STIM2: variants seen among roughly 807,000 people sequenced by gnomAD.
STIM2 encodes the protein stromal interaction molecule 2.
In STIM2, 31 loss-of-function variants were observed where a neutral mutation model predicts 85.8. The observed-to-expected ratio is 0.36, with a 90% CI of 0.27 to 0.49. STIM2 has a LOEUF of 0.49. Ranked by LOEUF, STIM2 falls within the 20% of genes least tolerant of loss-of-function variation. STIM2 has a pLI of 0.98. For missense variants in STIM2, 841 were observed against 927.6 expected, an observed-to-expected ratio of 0.91 and a Z score of 1.21; for synonymous variants, 356 against 331.1, an observed-to-expected ratio of 1.08 and a Z score of -0.82.
At chr4:26,960,911 A>C (rs1274871922) in intron 3 of STIM2, among the ~76,000 whole-genome samples, 3 of 152,090 alleles carry the variant, frequency 2.0e-5, no homozygotes, top group Non-Finnish European at 4.4e-5. Context: ...TAAAAATACA[A>C]AAATTAACTA....
At chr4:26,923,150 C>A (rs998934697) in intron 2 of STIM2, among the ~76,000 whole-genome samples, 2 of 151,352 alleles carry the variant, frequency 1.3e-5, no homozygotes, top group Non-Finnish European at 2.9e-5. Context: ...TTCCAACAGA[C>A]CTGCAGCTGA....
intron 3 of STIM2, among the ~76,000 whole-genome samples, chr4:26,966,865 A>G (rs892279717): frequency 6.6e-6 from 1 of 152,124 alleles, no homozygotes; most frequent in Non-Finnish European, 1.5e-5. Flanking sequence ...TAAAGCTTAT[A>G]TCTTTCTATC....
At chr4:26,900,954 C>T (rs1420500776) in intron 1 of STIM2, among the ~76,000 whole-genome samples, 2 of 152,174 alleles carry the variant, frequency 1.3e-5, no homozygotes, top group East Asian at 3.9e-4. Flanking sequence ...CTTTTCTCCC[C>T]ACACCCTTCA....
rs1322738764 is a variant in STIM2 at position 26,919,558 on chromosome 4, T to G, written c.206T>G (p.Leu69Arg). The change falls in exon 2 of 12, where the codon CTG (leucine) becomes CGG (arginine). Residue 69 changes from leucine (L) to arginine (R), a missense_variant. By Grantham distance (102) the Leu-to-Arg change is moderately radical. Transcript: ENST00000467087. Reference sequence around the variant, plus strand: ...TTTACAGAAGAAGACAGATTTAGTCTGGAAGCTCTTCAAACAATACATAAA... The same window carrying G: ...TTTACAGAAGAAGACAGATTTAGTCGGGAAGCTCTTCAAACAATACATAAA... The G allele has an allele frequency of 6.2e-7, 1 of 1,613,748 alleles. No individual in the cohort carries two copies.
rs116207423 is a variant in STIM2 at position 26,964,537 on chromosome 4, T to C, written c.397+6811T>C. ...AATGAAACTTGAATTCTGAGCAGTG[T>C]TTTAAAGGAAGATTTGGGTTAACTT... On this transcript the variant is annotated intron_variant, in intron 3 of 11. Transcript: ENST00000467087. Among the ~76,000 whole-genome samples the C allele has an allele frequency of 4.2e-3, 642 of 152,248 alleles. 6 individuals are homozygous for C. The highest frequency in any genetic ancestry group is 0.015 in the African/African-American group (609 of 41,552).
intron 1 of STIM2, among the ~76,000 whole-genome samples, chr4:26,875,410 G>A (rs749998284): frequency 3.3e-5 from 5 of 152,042 alleles, no homozygotes; most frequent in African/African-American, 7.2e-5. Flanking sequence ...TTAGTTTTAC[G>A]TTTTGAAGTC....
At chr4:27,002,816 A>G (rs1033468224) in intron 6 of STIM2, 111 bp from the exon 7 acceptor site, 3 of 1,014,028 alleles carry the variant, frequency 3.0e-6, no homozygotes. Flanking sequence ...AAATGCTATG[A>G]TTTCTGATTG....
intron 3 of STIM2, among the ~76,000 whole-genome samples, chr4:26,979,122 A>G (rs1361215715): frequency 2.0e-5 from 3 of 152,240 alleles, no homozygotes; most frequent in African/African-American, 7.2e-5. Context: ...GAAAACTTCC[A>G]AAATCTTCCT....
At chr4:26,951,370 CAG>C (rs1177989118) in intron 2 of STIM2, among the ~76,000 whole-genome samples, 3 of 152,156 alleles carry the variant, frequency 2.0e-5, no homozygotes, top group African/African-American at 4.8e-5. Flanking sequence ...CTTTTCAACT[CAG>C]GGAAACTGCG....
rs1728998362 is a variant in STIM2, at chr4:27,023,884, A to G, written c.*888A>G. The G allele has an allele frequency of 6.5e-6, 1 of 152,672 alleles. No individual in the cohort carries two copies. The highest frequency in any genetic ancestry group is 2.1e-4 in the South Asian group (1 of 4,836). The allele number at this position is 152,672 out of a possible 1,614,324, so 9.5% of individuals were successfully genotyped here. On this transcript the variant is annotated 3_prime_UTR_variant, in exon 12 of 12. Coordinates refer to ENST00000467087, the MANE Select transcript of STIM2 (RefSeq NM_020860.4). ...TATGGGGATTCAGGCAATTGTTTAC[A>G]CACTTTGAATAACTGCAAAGGATTT...
rs181134048 is a variant in STIM2, at chr4:26,997,772, T to C, written c.510-1460T>C. 3.9e-5 allele frequency among the ~76,000 whole-genome samples: 6 copies of C among 152,278 alleles called. No homozygotes were observed. In the East Asian group the frequency reaches 1.2e-3, roughly 29 times the overall value. On this transcript the variant is annotated intron_variant, in intron 4 of 11. Transcript: ENST00000467087. ...TTGCCTTCATGCAATTTGATAAGTGTCATGTTAAAGGTGTAAGGGAAGCAT... is the reference window on the plus strand; with the variant it reads ...TTGCCTTCATGCAATTTGATAAGTGCCATGTTAAAGGTGTAAGGGAAGCAT...
chr4:26,960,803 GC>G (rs1726426009), intron 3 of STIM2, among the ~76,000 whole-genome samples: 2 of 152,070 alleles, frequency 1.3e-5, no homozygotes, highest in South Asian at 4.1e-4. Flanking sequence ...AGTGGCTCAT[GC>G]CTGTAATCCA....
intron 3 of STIM2, among the ~76,000 whole-genome samples, chr4:26,965,588 A>G (rs906099142): frequency 1.3e-5 from 2 of 152,028 alleles, no homozygotes; most frequent in East Asian, 3.9e-4. Flanking sequence ...TTCACTTCAA[A>G]TCTACCCATC....
chr4:27,012,526 A>G (rs1178419781), intron 10 of STIM2, among the ~76,000 whole-genome samples: 2 of 152,196 alleles, frequency 1.3e-5, no homozygotes, highest in South Asian at 4.1e-4. Context: ...TGTATTTCAG[A>G]TTGCTTGTTG....
Position 26,873,465 on chromosome 4 carries a change from T to C in STIM2, c.151+12096T>C, listed in dbSNP as rs370529658. On this transcript the variant is annotated intron_variant, in intron 1 of 11. Coordinates refer to ENST00000467087, the MANE Select transcript of STIM2 (RefSeq NM_020860.4). ...GTGTTAGTTCTGAACTAAATCATTGTGGCTAGATGTGGCCAGAGCAGGGGG... is the reference window on the plus strand; with the variant it reads ...GTGTTAGTTCTGAACTAAATCATTGCGGCTAGATGTGGCCAGAGCAGGGGG... The C allele has an allele frequency of 9.2e-5, 24 of 260,056 alleles. No homozygotes were observed. The East Asian group carries it at 1.2e-3, about 13-fold the overall frequency. The allele number at this position is 260,056 out of a possible 1,614,324, so 16.1% of individuals were successfully genotyped here.
In STIM2 at chr4:27,024,789, G is replaced by T. The variant is rs1427767056; in HGVS notation, c.*1793G>T. 1 of 152,142 alleles carries T rather than the reference G, an allele frequency of 6.6e-6. No individual in the cohort carries two copies. Among genetic ancestry groups the T allele is most frequent in the African/African-American group, 2.4e-5 (1 of 41,422 alleles). 9.4% of individuals were successfully genotyped at this position (152,142 alleles called of 1,614,324 possible). The stretch of plus-strand genomic sequence containing the variant: ...AAGTTGTGCATAAAGAACTGAAAAG[G>T]GTTCTGGAGTGTTCATTCAGAGTGA... On this transcript the variant is annotated 3_prime_UTR_variant, in exon 12 of 12. Transcript: ENST00000467087.
intron 3 of STIM2, among the ~76,000 whole-genome samples, chr4:26,993,398 T>G (rs1727834794): frequency 6.6e-6 from 1 of 152,088 alleles, no homozygotes; most frequent in African/African-American, 2.4e-5. Context: ...AGTTACCACA[T>G]CTAGTTTTAA....
At chr4:26,886,717 CA>C (rs1723263434) in intron 1 of STIM2, among the ~76,000 whole-genome samples, 1 of 152,122 alleles carries the variant, frequency 6.6e-6, no homozygotes, top group Non-Finnish European at 1.5e-5. Context: ...TTGTAGACAT[CA>C]TCTACAAGAT....
chr4:26,917,823 C>T (rs1016920616), intron 1 of STIM2, among the ~76,000 whole-genome samples: 1 of 152,148 alleles, frequency 6.6e-6, no homozygotes, highest in Admixed American at 6.6e-5. Flanking sequence ...GAGGCAACTA[C>T]GTATTATATA....
Sources: gnomAD v4.1 joint callset for allele counts (sites outside exome capture counted in the v4.1 genomes callset) on GRCh38, gnomAD v4.1.1 for gene constraint, MANE v1.5 for transcripts, NCBI Gene and HGNC (gene_info 2026-07-23, HGNC 2026-07-21) for gene names.